The following ELF1 variants were observed in gnomAD, a reference collection of about 807,000 sequenced individuals.
The protein encoded by ELF1 is E74 like ETS transcription factor 1.
A neutral mutation model predicts 59.9 loss-of-function variants in ELF1; 24 were observed. That is an observed-to-expected ratio of 0.40 (90% CI 0.29 to 0.56). The LOEUF (loss-of-function observed/expected upper bound fraction) is 0.56, where lower values mean the gene tolerates loss of function less well. Ranked by LOEUF, ELF1 falls within the 20% of genes least tolerant of loss-of-function variation. The pLI is 0.44. For missense variants in ELF1, 627 were observed against 742.2 expected (o/e 0.84, Z 1.80); for synonymous variants, 248 against 266.2 (o/e 0.93, Z 0.67).
At chr13:41,015,080 T>C (rs955883455) in intron 1 of ELF1, among the ~76,000 whole-genome samples, 1 of 152,070 alleles carries the variant, frequency 6.6e-6, no homozygotes, top group African/African-American at 2.4e-5. Flanking sequence ...CAAAAGGCTG[T>C]AAATGCCACC....
chr13:41,016,732 T>C (rs1875384157), intron 1 of ELF1, among the ~76,000 whole-genome samples: 1 of 150,986 alleles, frequency 6.6e-6, no homozygotes, highest in South Asian at 2.1e-4. Context: ...CTAACCAACA[T>C]GGAGAAACCC....
At chr13:41,034,790 TAA>T (rs368956919) in intron 1 of ELF1, among the ~76,000 whole-genome samples, 32 of 117,326 alleles carry the variant, frequency 2.7e-4, no homozygotes, top group African/African-American at 6.6e-4. Context: ...ATATTCCTAT[TAA>T]AAAAAAAAAA....
chr13:40,981,994 C>A lies in ELF1; in HGVS notation c.61G>T (p.Asp21Tyr). ...TCTGAATCTCATACCTGTCGTTCAT[C>A]CTCCATGACGTTACTAGCAAATTCA... ...VFEFASNVME[D>Y]ERQLGDPAIF... is the part of the protein sequence containing the mutation. Residue 21 changes from aspartate to tyrosine, a missense_variant, in exon 2 of 9, where the codon GAT becomes TAT. By Grantham distance (160) the Asp-to-Tyr change is radical. Around this residue, in one of 3 missense-constraint regions of ELF1, gnomAD observed 232 missense variants for 269.2 expected, o/e 0.86. Transcript: ENST00000239882. 6.2e-7 allele frequency: 1 copy of A among 1,605,550 alleles called. No homozygotes were observed. The highest frequency in any genetic ancestry group is 8.5e-7 in the Non-Finnish European group (1 of 1,175,894).
rs1869533066 is a variant in ELF1, at chr13:40,933,341, G to T, written c.*84C>A. On this transcript the variant is annotated 3_prime_UTR_variant, in exon 9 of 9. Coordinates refer to ENST00000239882, the MANE Select transcript of ELF1 (RefSeq NM_172373.4). The stretch of plus-strand genomic sequence containing the variant: ...AATTACAAAATTAGAAACCTCCTTA[G>T]AATTTATCTTAGAATCAGTCAGTCT... 1.3e-6 allele frequency: 2 copies of T among 1,493,946 alleles called. No homozygotes were observed. Among genetic ancestry groups the T allele is most frequent in the African/African-American group, 1.4e-5 (1 of 71,198 alleles). The allele number at this position is 1,493,946 out of a possible 1,614,324, so 92.5% of individuals were successfully genotyped here. A position where few individuals can be genotyped will look rare whatever the true frequency, so the allele number is the denominator to read the frequency against.
At chr13:40,935,675 A>AT (rs35559263) in intron 8 of ELF1, among the ~76,000 whole-genome samples, 2,078 of 138,124 alleles carry the variant, frequency 0.015, 59 homozygotes, top group African/African-American at 0.047. Flanking sequence ...GCCAGATACC[A>AT]TTTTTTTTTT....
At chr13:41,039,003 T>C (rs1461096102) in intron 1 of ELF1, among the ~76,000 whole-genome samples, 1 of 112,614 alleles carries the variant, frequency 8.9e-6, no homozygotes, top group Non-Finnish European at 1.8e-5. Flanking sequence ...ACAGAGACTT[T>C]GTCAAAAAAA....
At chr13:41,022,009 A>G (rs1411861805), upstream of ELF1, among the ~76,000 whole-genome samples, 1 of 152,242 alleles carries the variant, frequency 6.6e-6, no homozygotes, top group Non-Finnish European at 1.5e-5. Flanking sequence ...AGCAGTTTCT[A>G]TAAACATACA....
chr13:41,058,016 A>T (rs1481516311), intron 1 of ELF1, among the ~76,000 whole-genome samples: 1 of 152,232 alleles, frequency 6.6e-6, no homozygotes, highest in Admixed American at 6.5e-5. Context: ...TATTAATTAC[A>T]AATTAATATT....
At chr13:40,970,946 T>C (rs1872507978) in intron 2 of ELF1, among the ~76,000 whole-genome samples, 1 of 152,162 alleles carries the variant, frequency 6.6e-6, no homozygotes, top group Admixed American at 6.5e-5. Context: ...CGGAAGCAGC[T>C]ACTATGTTAA....
chr13:41,023,678 G>A (rs920029845), upstream of ELF1, among the ~76,000 whole-genome samples: 5 of 152,254 alleles, frequency 3.3e-5, no homozygotes, highest in African/African-American at 7.2e-5. Context: ...ACTTCTGCAC[G>A]GACAGGTAAC....
chr13:41,006,391 AG>A (rs1431376926), intron 1 of ELF1, among the ~76,000 whole-genome samples: 3 of 152,160 alleles, frequency 2.0e-5, no homozygotes, highest in Admixed American at 2.0e-4. Flanking sequence ...CTTACACATT[AG>A]CTCCCCTCCC....
In ELF1 at chr13:40,933,994, C is replaced by T. The variant is rs749531568; in HGVS notation, c.1291G>A (p.Val431Met). The part of the protein sequence containing the change: ...IQAPTQVPVV[V>M]SPRNQQLHTV... ...TGCAACTGCTGATTCCTAGGAGACA[C>T]AACCACTGGAACTTGGGTTGGAGCC... The change falls in exon 9 of 9, where the codon GTG (valine) becomes ATG (methionine). Residue 431 changes from valine to methionine, a missense_variant. This residue lies in a region of ELF1 where 361 missense variants were observed against 396.1 expected (regional missense o/e 0.91). Transcript: ENST00000239882. The T allele has an allele frequency of 1.2e-6, 2 of 1,613,986 alleles. No individual in the cohort carries two copies. The highest frequency in any genetic ancestry group is 1.3e-5 in the African/African-American group (1 of 74,930).
At chr13:40,936,055 A>G (rs1045927730) in intron 8 of ELF1, among the ~76,000 whole-genome samples, 12 of 152,204 alleles carry the variant, frequency 7.9e-5, no homozygotes, top group Admixed American at 2.0e-4. Context: ...TTACATCAAT[A>G]TGCATAACCT....
intron 1 of ELF1, among the ~76,000 whole-genome samples, chr13:41,011,400 T>C (rs1462443269): frequency 6.6e-6 from 1 of 152,202 alleles, no homozygotes; most frequent in African/African-American, 2.4e-5. Flanking sequence ...CACAGTCTTA[T>C]AACACTTACA....
At chr13:40,969,048 A>C (rs2138227944) in intron 2 of ELF1, among the ~76,000 whole-genome samples, 1 of 152,316 alleles carries the variant, frequency 6.6e-6, no homozygotes, top group South Asian at 2.1e-4. Context: ...AATAAAAAGC[A>C]GTTTTAGCAA....
At chr13:40,979,026 A>T (rs759985579) in intron 2 of ELF1, among the ~76,000 whole-genome samples, 2 of 150,678 alleles carry the variant, frequency 1.3e-5, no homozygotes, top group African/African-American at 2.4e-5. Context: ...TAGTTTTTCA[A>T]CCCTTGCCTG....
rs1012938394 is a variant in ELF1, at chr13:41,057,215, G to A, written c.-229+3623C>T. On this transcript the variant is annotated intron_variant, in intron 1 of 1. Coordinates refer to the ELF1 transcript ENST00000405737. Reference sequence around the variant, plus strand: ...CTTGCTCTGTCACCTGGAGTGTAGCGGCAACATCACAGCTCACTGCAGCCT... The same window carrying A: ...CTTGCTCTGTCACCTGGAGTGTAGCAGCAACATCACAGCTCACTGCAGCCT... 6.0e-4 allele frequency among the ~76,000 whole-genome samples: 90 copies of A among 150,776 alleles called. 1 individual carries two copies. Among genetic ancestry groups the A allele is most frequent in the African/African-American group, 2.1e-3 (85 of 40,946 alleles).
intron 8 of ELF1, among the ~76,000 whole-genome samples, chr13:40,935,772 C>A (rs914990031): frequency 6.6e-6 from 1 of 151,240 alleles, no homozygotes; most frequent in Non-Finnish European, 1.5e-5. Context: ...CTTCCAGGTT[C>A]AAGCAATTCT....
chr13:40,992,931 CCTTTTCT>C, intron 1 of ELF1: 1 of 734,182 alleles, frequency 1.4e-6, no homozygotes, highest in East Asian at 2.6e-5. Context: ...ATCATTCTAG[CCTTTTCT>C]CTTTTCTTTG....
Sources: allele counts gnomAD v4.1 joint callset (sites outside exome capture counted in the v4.1 genomes callset), GRCh38; gene constraint gnomAD v4.1.1; regional missense constraint gnomAD v4.1.1; transcripts MANE v1.5; gene names NCBI Gene and HGNC (gene_info 2026-07-23, HGNC 2026-07-21).